VWA3A: variants seen among roughly 807,000 people sequenced by gnomAD.
The protein encoded by VWA3A is von Willebrand factor A domain containing 3A, also known as von Willebrand factor A domain-containing protein 3A.
In VWA3A, 134 loss-of-function variants were observed where a neutral mutation model predicts 160.4. That is an observed-to-expected ratio of 0.84 (90% CI 0.73 to 0.96). The LOEUF is 0.96. VWA3A is among the 40% of genes least tolerant of loss of function. VWA3A has a pLI of 0.00. For missense variants in VWA3A, 1,310 were observed against 1,447.9 expected (o/e 0.90, Z 1.55); for synonymous variants, 476 against 543.4 (o/e 0.88, Z 1.72).
chr16:22,138,266 G>C (rs1287836091), intron 21 of VWA3A, 94 bp from the exon 22 acceptor site: 7 of 1,434,556 alleles, frequency 4.9e-6, no homozygotes, highest in Non-Finnish European at 6.6e-6. Flanking sequence ...GACATCAGAG[G>C]TTCCAGTGGA....
chr16:22,129,062 A>G (rs941734098), intron 17 of VWA3A, among the ~76,000 whole-genome samples: 8 of 151,988 alleles, frequency 5.3e-5, no homozygotes, highest in African/African-American at 1.9e-4. Context: ...CTGCACACGT[A>G]CCCCTGAGCC....
At chr16:22,096,437 G>GTGAC (rs2045322606) in intron 1 of VWA3A, among the ~76,000 whole-genome samples, 2 of 152,264 alleles carry the variant, frequency 1.3e-5, no homozygotes, top group Admixed American at 6.5e-5. Flanking sequence ...TTCAGCTTTG[G>GTGAC]TGACAGAGCA....
intron 11 of VWA3A, among the ~76,000 whole-genome samples, chr16:22,118,359 T>C (rs188705250): frequency 4.6e-5 from 7 of 152,238 alleles, no homozygotes; most frequent in Admixed American, 4.6e-4. Context: ...CTTTACACTT[T>C]TACAGTTAGA....
At chr16:22,111,073 T>A in intron 8 of VWA3A, 79 bp downstream of exon 8, 1 of 1,267,954 alleles carries the variant, frequency 7.9e-7, no homozygotes, top group Non-Finnish European at 1.1e-6. Context: ...ATTGAATAAT[T>A]CAACTGCAAA....
chr16:22,113,569 T>C (rs2045588869), intron 8 of VWA3A, among the ~76,000 whole-genome samples: 1 of 150,868 alleles, frequency 6.6e-6, no homozygotes. Context: ...CAATTCTATT[T>C]ATTATTGAAA....
chr16:22,148,132 C>A, intron 27 of VWA3A, 30 bp from the exon 28 acceptor site: 1 of 1,571,772 alleles, frequency 6.4e-7, no homozygotes, highest in Non-Finnish European at 8.6e-7. Flanking sequence ...TCACTCCCTC[C>A]CTGCCTCTTC....
At chr16:22,137,682 G>A (rs573075956) in intron 21 of VWA3A, among the ~76,000 whole-genome samples, 2 of 152,220 alleles carry the variant, frequency 1.3e-5, no homozygotes, top group African/African-American at 4.8e-5. Flanking sequence ...GTGGGCTGAA[G>A]TATGGAGATC....
At chr16:22,143,053 A>C (rs1469547128) in intron 25 of VWA3A, among the ~76,000 whole-genome samples, 8 of 151,764 alleles carry the variant, frequency 5.3e-5, no homozygotes, top group Non-Finnish European at 1.0e-4. Flanking sequence ...GGGAGGCTAC[A>C]TCATGAGAAT....
chr16:22,149,085 C>A (rs113325737), intron 28 of VWA3A, among the ~76,000 whole-genome samples: 1 of 152,248 alleles, frequency 6.6e-6, no homozygotes, highest in African/African-American at 2.4e-5. Flanking sequence ...ATGCTTTACA[C>A]GCATCATTTC....
intron 19 of VWA3A, 132 bp from the exon 20 acceptor site, chr16:22,132,768 C>G: frequency 1.2e-6 from 1 of 839,076 alleles, no homozygotes; most frequent in Non-Finnish European, 1.8e-6. Flanking sequence ...TCATCTCTTT[C>G]CATCCTTGTG....
At position 22,146,223 on chromosome 16, in the gene VWA3A, T is replaced by C. The variant is rs770825226; in HGVS notation, c.2731-13T>C. On this transcript the variant is annotated splice_polypyrimidine_tract_variant and intron_variant, in intron 26 of 33. Coordinates refer to ENST00000389398, the MANE Select transcript of VWA3A (RefSeq NM_173615.5). ...GATGGGGTGGGTGCTTGCCTCTGCTTGCCTTAACCCAGGGAGTGGTGAGAC... is the reference window on the plus strand; with the variant it reads ...GATGGGGTGGGTGCTTGCCTCTGCTCGCCTTAACCCAGGGAGTGGTGAGAC... The C allele has an allele frequency of 8.7e-6, 14 of 1,609,970 alleles. No individual in the cohort carries two copies. The highest frequency in any genetic ancestry group is 1.7e-5 in the Admixed American group (1 of 59,724).
At chr16:22,122,281 G>GTGGA (rs753561947) in intron 14 of VWA3A, among the ~76,000 whole-genome samples, 99 of 146,760 alleles carry the variant, frequency 6.7e-4, no homozygotes, top group East Asian at 2.6e-3. Flanking sequence ...GGATGGATGG[G>GTGGA]TGGATGGATG....
intron 12 of VWA3A, among the ~76,000 whole-genome samples, chr16:22,119,884 G>A (rs977772308): frequency 5.9e-5 from 9 of 151,926 alleles, no homozygotes; most frequent in African/African-American, 1.9e-4. Context: ...GAGGCATGGT[G>A]GCAGGCACCT....
At position 22,120,956 on chromosome 16, in the gene VWA3A, CA is replaced by C. The variant is rs1238722147; in HGVS notation, c.1117-11del. On this transcript the variant is annotated splice_polypyrimidine_tract_variant and intron_variant, in intron 12 of 33. Transcript: ENST00000389398. ...TATGATTATGTAATGAGGGCTTTCT[CA>C]TTTAACTTAGATTTCCACAGAGATT... 6.2e-7 allele frequency: 1 copy of C among 1,613,728 alleles called. No individual in the cohort carries two copies. Among genetic ancestry groups the C allele is most frequent in the African/African-American group, 1.3e-5 (1 of 74,916 alleles).
intron 12 of VWA3A, among the ~76,000 whole-genome samples, chr16:22,119,485 A>G (rs530100659): frequency 6.6e-6 from 1 of 152,336 alleles, no homozygotes; most frequent in South Asian, 2.1e-4. Flanking sequence ...AGCCTGAGCA[A>G]CATGGCAAAA....
intron 6 of VWA3A, among the ~76,000 whole-genome samples, chr16:22,103,827 C>T (rs187142488): frequency 1.3e-5 from 2 of 152,278 alleles, no homozygotes; most frequent in Admixed American, 6.5e-5. Context: ...ACTTCCTGTT[C>T]CCTGCACAAC....
intron 9 of VWA3A, 137 bp downstream of exon 9, chr16:22,115,609 A>ACCAC: frequency 1.0e-6 from 1 of 994,620 alleles, no homozygotes; most frequent in Non-Finnish European, 1.4e-6. Flanking sequence ...AGACAGGAGG[A>ACCAC]TTGCTCGAAG....
Position 22,118,894 on chromosome 16 carries a change from A to G in VWA3A, c.991-8A>G. On this transcript the variant is annotated splice_region_variant and splice_polypyrimidine_tract_variant and intron_variant, in intron 11 of 33. Transcript: ENST00000389398. Reference sequence around the variant, plus strand: ...TTCCGGATGTCTGATTGCTCTTGCCACCCTCAGCACTACACCAGCCGGGAC... The same window carrying G: ...TTCCGGATGTCTGATTGCTCTTGCCGCCCTCAGCACTACACCAGCCGGGAC... 6.2e-7 allele frequency: 1 copy of G among 1,613,606 alleles called. No individual in the cohort carries two copies. The highest frequency in any genetic ancestry group is 8.5e-7 in the Non-Finnish European group (1 of 1,179,774).
At chr16:22,097,419 T>C (rs888753400) in intron 2 of VWA3A, among the ~76,000 whole-genome samples, 153 bp from the exon 3 acceptor site, 1 of 152,156 alleles carries the variant, frequency 6.6e-6, no homozygotes, top group Non-Finnish European at 1.5e-5. Context: ...GAGTCCACAT[T>C]TTATCAGGAC....
Sources: allele counts gnomAD v4.1 joint callset (sites outside exome capture counted in the v4.1 genomes callset), GRCh38; gene constraint gnomAD v4.1.1; transcripts MANE v1.5; gene names NCBI Gene and HGNC (gene_info 2026-07-23, HGNC 2026-07-21).